UGT1A8: variants seen among roughly 807,000 people sequenced by gnomAD.
UGT1A8 encodes the protein UDP-glucuronosyltransferase 1A8.
Under a neutral mutation model 45.3 loss-of-function variants are expected in UGT1A8, and 39 were observed. That is an observed-to-expected ratio of 0.86 (90% confidence interval 0.67 to 1.12). The LOEUF is 1.12. UGT1A8 is among the 50% of genes most tolerant of loss of function. UGT1A8 has a pLI of 0.00. For synonymous variants in UGT1A8, 275 were observed against 249.2 expected, an observed-to-expected ratio of 1.10 and a Z score of -0.97; for missense variants, 719 against 664.9, an observed-to-expected ratio of 1.08 and a Z score of -0.90.
chr2:233,760,870 A>G lies in UGT1A8; in HGVS notation c.856-6164A>G, dbSNP rs761998591. Reference sequence around the variant, plus strand: ...CCCCAACCCATTCTCCTACGTGCCCAGGCCTCTCTCCTCTCATTCAGATCA... The same window carrying G: ...CCCCAACCCATTCTCCTACGTGCCCGGGCCTCTCTCCTCTCATTCAGATCA... On this transcript the variant is annotated intron_variant, in intron 1 of 4. Transcript: ENST00000373450. 2.5e-6 allele frequency: 4 copies of G among 1,614,048 alleles called. No individual in the cohort carries two copies. Among genetic ancestry groups the G allele is most frequent in the Admixed American group, 3.3e-5 (2 of 60,002 alleles).
chr2:233,737,725 T>A (rs936117182), intron 1 of UGT1A8, among the ~76,000 whole-genome samples: 1 of 152,150 alleles, frequency 6.6e-6, no homozygotes, highest in African/African-American at 2.4e-5. Context: ...CACCTCCTTT[T>A]TTTTTCCTTT....
chr2:233,628,524 T>C (rs1285626399), intron 1 of UGT1A8, among the ~76,000 whole-genome samples: 1 of 152,162 alleles, frequency 6.6e-6, no homozygotes, highest in East Asian at 1.9e-4. Flanking sequence ...TAGTTTGTTA[T>C]TATTCCTACA....
chr2:233,624,676 A>G (rs967549993), intron 1 of UGT1A8, among the ~76,000 whole-genome samples: 2 of 152,088 alleles, frequency 1.3e-5, no homozygotes, highest in Non-Finnish European at 2.9e-5. Context: ...GGTCTGCTAC[A>G]TTACCACATG....
chr2:233,746,054 T>C (rs1380596465), intron 1 of UGT1A8, among the ~76,000 whole-genome samples: 1 of 151,656 alleles, frequency 6.6e-6, no homozygotes, highest in Non-Finnish European at 1.5e-5. Flanking sequence ...ATGCAGGGTC[T>C]AGAACGAAAA....
chr2:233,672,143 T>C, intron 1 of UGT1A8: 1 of 1,614,216 alleles, frequency 6.2e-7, no homozygotes, highest in African/African-American at 1.3e-5. Flanking sequence ...GGAAGATCAC[T>C]GAATTGCACA....
At chr2:233,737,065 T>C (rs1559381236) in intron 1 of UGT1A8, among the ~76,000 whole-genome samples, 1 of 152,236 alleles carries the variant, frequency 6.6e-6, no homozygotes, top group African/African-American at 2.4e-5. Context: ...ACGAGTGCTC[T>C]CTTCAGAGCT....
At chr2:233,658,325 A>G (rs1045108507) in intron 1 of UGT1A8, among the ~76,000 whole-genome samples, 5 of 152,236 alleles carry the variant, frequency 3.3e-5, no homozygotes, top group African/African-American at 1.2e-4. Context: ...ATCCTCCCCT[A>G]TGGTTAAATG....
At chr2:233,730,669 A>T (rs1310479965) in intron 1 of UGT1A8, among the ~76,000 whole-genome samples, 1 of 152,122 alleles carries the variant, frequency 6.6e-6, no homozygotes, top group African/African-American at 2.4e-5. Flanking sequence ...CGGAAGGCAA[A>T]GTAATGGTTG....
intron 1 of UGT1A8, among the ~76,000 whole-genome samples, chr2:233,757,535 AATATATATATATATAT>A (rs67292694): frequency 2.3e-5 from 2 of 88,312 alleles, no homozygotes; most frequent in Non-Finnish European, 4.4e-5. Context: ...GCCTGTAAGG[AATATATATATATATAT>A]ATATATATAT....
At chr2:233,648,021 G>T (rs1477802213) in intron 1 of UGT1A8, 1 of 1,599,886 alleles carries the variant, frequency 6.3e-7, no homozygotes, top group Non-Finnish European at 8.5e-7. Flanking sequence ...GGCCAGAGGT[G>T]AGTTGGCAAC....
chr2:233,767,748 T>A (rs2126034446), intron 2 of UGT1A8, 101 bp from the exon 3 acceptor site: 2 of 1,587,100 alleles, frequency 1.3e-6, no homozygotes, highest in East Asian at 4.5e-5. Context: ...TGTTAAAGAC[T>A]GTTCCTTCAG....
chr2:233,636,802 GC>G, intron 1 of UGT1A8: 3 of 1,614,156 alleles, frequency 1.9e-6, no homozygotes, highest in Non-Finnish European at 2.5e-6. Context: ...CATGGTTTTC[GC>G]CCATGCTCAA....
chr2:233,618,180 C>G lies in UGT1A8; in HGVS notation c.473C>G (p.Ala158Gly). ...TTTGATGCCTGTGGCTTAATTGTTG[C>G]CAAATATTTCTCCCTCCCCTCTGTG... ...DPFDACGLIV[A>G]KYFSLPSVVF... Residue 158 changes from alanine (A) to glycine (G), a missense_variant, in exon 1 of 5, where the codon GCC becomes GGC. Coordinates refer to ENST00000373450, the MANE Select transcript of UGT1A8 (RefSeq NM_019076.5). The G allele has an allele frequency of 6.2e-7, 1 of 1,613,970 alleles. No individual in the cohort carries two copies. The highest frequency in any genetic ancestry group is 8.5e-7 in the Non-Finnish European group (1 of 1,180,004).
intron 1 of UGT1A8, chr2:233,712,959 G>A (rs372681148): frequency 6.2e-7 from 1 of 1,612,876 alleles, no homozygotes; most frequent in South Asian, 1.1e-5. Context: ...ACAACGTGGG[G>A]TGGACAGTCA....
chr2:233,666,506 G>A (rs1171588845), intron 1 of UGT1A8, among the ~76,000 whole-genome samples: 2 of 151,872 alleles, frequency 1.3e-5, no homozygotes, highest in African/African-American at 4.8e-5. Flanking sequence ...GTTATTCTCT[G>A]TTCAAATCTT....
intron 1 of UGT1A8, chr2:233,747,282 G>A: frequency 6.2e-7 from 1 of 1,600,800 alleles, no homozygotes; most frequent in Non-Finnish European, 8.5e-7. Context: ...TCAGTGCCCA[G>A]CCCTGGGCTG....
intron 1 of UGT1A8, chr2:233,689,938 A>C (rs1272581952): frequency 2.2e-6 from 1 of 456,646 alleles, no homozygotes; most frequent in Non-Finnish European, 4.4e-6. Context: ...AAAGAACCCA[A>C]GATTTTCCTT....
chr2:233,762,122 C>T (rs1697975314), intron 1 of UGT1A8, among the ~76,000 whole-genome samples: 1 of 152,090 alleles, frequency 6.6e-6, no homozygotes, highest in South Asian at 2.1e-4. Flanking sequence ...CATCATGAGC[C>T]ATGTGGGGAC....
chr2:233,761,973 C>T (rs557947533), intron 1 of UGT1A8, among the ~76,000 whole-genome samples: 2 of 152,314 alleles, frequency 1.3e-5, no homozygotes, highest in East Asian at 3.9e-4. Flanking sequence ...ACTGATATCA[C>T]CTTCGGAGGT....
Sources: allele counts gnomAD v4.1 joint callset (sites outside exome capture counted in the v4.1 genomes callset), GRCh38; gene constraint gnomAD v4.1.1; transcripts MANE v1.5; gene names NCBI Gene and HGNC (gene_info 2026-07-23, HGNC 2026-07-21).